SLC9C1: variants seen among roughly 807,000 people sequenced by gnomAD.
SLC9C1 encodes the protein solute carrier family 9 member C1.
SLC9C1 carries 97 observed loss-of-function variants against 140.9 expected under a neutral mutation model. The ratio of observed to expected loss-of-function variants is 0.69; its 90% CI spans 0.58 to 0.82. The LOEUF (loss-of-function observed/expected upper bound fraction) is 0.82. Ranked by LOEUF, SLC9C1 falls within the 40% of genes least tolerant of loss-of-function variation. The probability of loss-of-function intolerance (pLI) is 0.00; values close to 1 mark genes in which losing one functional copy is unlikely to be tolerated. For missense variants in SLC9C1, 1,340 were observed against 1,389.3 expected, an observed-to-expected ratio of 0.96 and a Z score of 0.56; for synonymous variants, 440 against 442.6, an observed-to-expected ratio of 0.99 and a Z score of 0.07.
chr3:112,293,638 C>T (rs151335022), intron 1 of SLC9C1, among the ~76,000 whole-genome samples: 140 of 152,264 alleles, frequency 9.2e-4, no homozygotes, highest in African/African-American at 2.7e-3. Context: ...TACCACACAA[C>T]GCAGACATCT....
chr3:112,156,445 T>C (rs1030402231), intron 26 of SLC9C1, among the ~76,000 whole-genome samples: 8 of 152,144 alleles, frequency 5.3e-5, no homozygotes, highest in African/African-American at 1.9e-4. Flanking sequence ...GTTGATTTCA[T>C]ATCTTGGGTG....
At chr3:112,218,301 A>G (rs2078443424) in intron 14 of SLC9C1, among the ~76,000 whole-genome samples, 4 of 152,060 alleles carry the variant, frequency 2.6e-5, no homozygotes, top group Admixed American at 2.6e-4. Flanking sequence ...CGTCATGATC[A>G]GAAGGAGAGT....
intron 23 of SLC9C1, among the ~76,000 whole-genome samples, chr3:112,174,965 A>T (rs1037364485): frequency 6.6e-6 from 1 of 151,874 alleles, no homozygotes; most frequent in East Asian, 1.9e-4. Flanking sequence ...GGGGGTCTGG[A>T]CCAGCCTCTG....
At chr3:112,162,204 T>C (rs1013356377) in intron 26 of SLC9C1, among the ~76,000 whole-genome samples, 4 of 152,220 alleles carry the variant, frequency 2.6e-5, no homozygotes, top group African/African-American at 9.6e-5. Flanking sequence ...TATACAATCA[T>C]GTCATCTGCA....
chr3:112,224,095 C>T (rs1255413013), intron 13 of SLC9C1, among the ~76,000 whole-genome samples: 2 of 152,156 alleles, frequency 1.3e-5, no homozygotes, highest in South Asian at 2.1e-4. Flanking sequence ...TGGTTCTCTA[C>T]CCATGGTAGC....
intron 18 of SLC9C1, among the ~76,000 whole-genome samples, chr3:112,201,651 T>A (rs2077908757): frequency 6.6e-6 from 1 of 152,026 alleles, no homozygotes; most frequent in South Asian, 2.1e-4. Context: ...GGCCTTAGAA[T>A]TATCTTTCCT....
intron 26 of SLC9C1, among the ~76,000 whole-genome samples, chr3:112,164,010 C>T (rs920443026): frequency 1.2e-4 from 18 of 152,030 alleles, no homozygotes; most frequent in Admixed American, 1.2e-3. Flanking sequence ...TGAATTTATC[C>T]CTTTACCATT....
At chr3:112,220,627 C>G (rs546223820) in intron 14 of SLC9C1, among the ~76,000 whole-genome samples, 111 of 152,290 alleles carry the variant, frequency 7.3e-4, no homozygotes, top group Middle Eastern at 6.8e-3. Flanking sequence ...GGGTACCCCT[C>G]AAAACACCAA....
chr3:112,201,111 C>A (rs991579127), intron 18 of SLC9C1, among the ~76,000 whole-genome samples: 20 of 151,958 alleles, frequency 1.3e-4, no homozygotes, highest in African/African-American at 4.8e-4. Flanking sequence ...AAGATACAAA[C>A]ATTAGCCCAA....
At chr3:112,200,914 C>CAAAAAGTGCT in intron 18 of SLC9C1, 152 bp from the exon 19 acceptor site, 1 of 632,252 alleles carries the variant, frequency 1.6e-6, no homozygotes, top group Non-Finnish European at 2.7e-6. Context: ...AATTTTGTGC[C>CAAAAAGTGCT]GCAGCACTTT....
chr3:112,273,780 T>C (rs2080140967), intron 6 of SLC9C1, among the ~76,000 whole-genome samples: 1 of 152,100 alleles, frequency 6.6e-6, no homozygotes, highest in African/African-American at 2.4e-5. Flanking sequence ...TCTTCATTGC[T>C]GAGGGGAGGC....
chr3:112,231,409 G>A lies in SLC9C1; in HGVS notation c.1524C>T (p.Asn508=). The part of the protein sequence containing the change: ...HCNKEIDEIF[N]TEAMELANRR... ...TGTTGGCCAGCTCCATTGCTTCAGT[G>A]TTAAAGATCTCATCTATTTCCTTGT... is the stretch of plus-strand genomic sequence containing the variant. Residue 508 remains asparagine (N), a synonymous_variant, in exon 13 of 29, where the codon AAC becomes AAT. Transcript: ENST00000305815. The A allele has an allele frequency of 6.2e-7, 1 of 1,613,348 alleles. No individual in the cohort carries two copies. Among genetic ancestry groups the A allele is most frequent in the Middle Eastern group, 1.7e-4 (1 of 6,058 alleles).
chr3:112,283,108 C>T (rs1018155090), intron 2 of SLC9C1, among the ~76,000 whole-genome samples: 3 of 152,122 alleles, frequency 2.0e-5, no homozygotes, highest in Non-Finnish European at 2.9e-5. Context: ...AGTCATGTGC[C>T]TTGTGATGAT....
intron 23 of SLC9C1, among the ~76,000 whole-genome samples, chr3:112,173,647 G>T (rs2077286178): frequency 6.6e-6 from 1 of 152,218 alleles, no homozygotes; most frequent in Non-Finnish European, 1.5e-5. Context: ...ATTCCATGGT[G>T]TGTATGTACC....
In SLC9C1 at chr3:112,182,226, A is replaced by C; in HGVS notation, c.2556T>G (p.Asp852Glu). ...LIMAKKKEVLDSQSIIRPLTV... is the reference protein window; with the variant it reads ...LIMAKKKEVLESQSIIRPLTV... The stretch of plus-strand genomic sequence containing the variant: ...TAAGAGGCCTGATAATAGATTGAGA[A>C]TCAAGCACCTCTTTCTTTTTGGCCA... Residue 852 changes from aspartate to glutamate, a missense_variant, in exon 21 of 29, where the codon GAT becomes GAG. Physicochemically the swap from Asp to Glu is conservative, Grantham distance 45. Transcript: ENST00000305815. 1 of 1,605,836 alleles carries C rather than the reference A, an allele frequency of 6.2e-7. No homozygotes were observed. Among genetic ancestry groups the C allele is most frequent in the South Asian group, 1.1e-5 (1 of 88,804 alleles).
intron 1 of SLC9C1, among the ~76,000 whole-genome samples, chr3:112,287,526 T>C (rs1299554442): frequency 6.6e-6 from 1 of 152,212 alleles, no homozygotes; most frequent in Non-Finnish European, 1.5e-5. Context: ...ACATGTTCTA[T>C]TTCTTTGTTA....
At chr3:112,210,685 T>A (rs1269394529) in intron 15 of SLC9C1, among the ~76,000 whole-genome samples, 1 of 152,192 alleles carries the variant, frequency 6.6e-6, no homozygotes, top group Non-Finnish European at 1.5e-5. Context: ...ACTATTCCTA[T>A]CCTTTTTATT....
intron 15 of SLC9C1, among the ~76,000 whole-genome samples, chr3:112,209,652 A>C (rs1227821252): frequency 6.6e-6 from 1 of 152,220 alleles, no homozygotes; most frequent in Non-Finnish European, 1.5e-5. Context: ...AAGTTTCAGG[A>C]AACAAAATCG....
intron 13 of SLC9C1, among the ~76,000 whole-genome samples, chr3:112,222,917 C>T (rs1465567945): frequency 1.3e-5 from 2 of 152,036 alleles, no homozygotes; most frequent in Non-Finnish European, 2.9e-5. Flanking sequence ...TTGGATAAAA[C>T]TCCTATTTTT....
Sources: gnomAD v4.1 joint callset for allele counts (sites outside exome capture counted in the v4.1 genomes callset) on GRCh38, gnomAD v4.1.1 for gene constraint, MANE v1.5 for transcripts, NCBI Gene and HGNC (gene_info 2026-07-23, HGNC 2026-07-21) for gene names.